The following IRX3 variants were observed in gnomAD, a reference collection of about 807,000 sequenced individuals.
The protein encoded by IRX3 is iroquois homeobox 3.
A neutral mutation model predicts 36.4 loss-of-function variants in IRX3; 20 were observed. The ratio of observed to expected loss-of-function variants is 0.55; its 90% CI spans 0.39 to 0.80. The LOEUF (loss-of-function observed/expected upper bound fraction) is 0.80. Among genes scored for constraint, IRX3 ranks in the 30% least tolerant of loss-of-function variants. The pLI is 0.00. For missense variants in IRX3, 718 were observed against 733.2 expected (o/e 0.98, Z 0.24); for synonymous variants, 404 against 351.6 (o/e 1.15, Z -1.67).
rs2144733514 is a variant in IRX3, at chr16:54,286,546, G to T, written c.-496C>A. The T allele has an allele frequency of 4.5e-6, 1 of 222,640 alleles. No homozygotes were observed. Among genetic ancestry groups the T allele is most frequent in the South Asian group, 1.6e-4 (1 of 6,156 alleles). 13.8% of individuals were successfully genotyped at this position (222,640 alleles called of 1,614,324 possible). On this transcript the variant is annotated 5_prime_UTR_variant, in exon 1 of 4. Coordinates refer to ENST00000329734, the MANE Select transcript of IRX3 (RefSeq NM_024336.3). The stretch of plus-strand genomic sequence containing the variant: ...TGCTTCGGGCTCCTGCACTGCCCTG[G>T]ACGCTATGAAACTCTCCTTTCTCCT...
chr16:54,283,985 T>A lies in IRX3; in HGVS notation c.1452-245A>T, dbSNP rs562959807. 122 of 1,435,534 alleles carry A rather than the reference T, an allele frequency of 8.5e-5. No individual in the cohort carries two copies. Among genetic ancestry groups the A allele is most frequent in the Non-Finnish European group, 1.1e-4 (116 of 1,098,954 alleles). 88.9% of individuals were successfully genotyped at this position (1,435,534 alleles called of 1,614,324 possible). A position where few individuals can be genotyped will look rare whatever the true frequency, so the allele number is the denominator to read the frequency against. On this transcript the variant is annotated intron_variant, in intron 3 of 3. Coordinates refer to ENST00000329734, the MANE Select transcript of IRX3 (RefSeq NM_024336.3). The surrounding 1 kb of genome is among the most constrained non-coding windows in gnomAD (Gnocchi z 4.4). ...AACCGCCACCCGCCCCAGGGGCCTG[T>A]GGGCCCAGCCACGCAAGGCTTCCCC...
chr16:54,284,595 C>T lies in IRX3; in HGVS notation c.1286G>A (p.Gly429Asp), dbSNP rs1363352397. The T allele has an allele frequency of 7.2e-7, 1 of 1,389,698 alleles. No homozygotes were observed. Among genetic ancestry groups the T allele is most frequent in the Non-Finnish European group, 9.2e-7 (1 of 1,084,604 alleles). The allele number at this position is 1,389,698 out of a possible 1,614,324, so 86.1% of individuals were successfully genotyped here. The change falls in exon 2 of 4, where the codon GGC becomes GAC. Residue 429 changes from glycine to aspartate, a missense_variant. Physicochemically the swap from Gly to Asp is moderately conservative, Grantham distance 94 (BLOSUM62 -1). Coordinates refer to ENST00000329734, the MANE Select transcript of IRX3 (RefSeq NM_024336.3). The surrounding 1 kb of genome is among the most constrained non-coding windows in gnomAD (Gnocchi z 4.0). ...TCCCAGCAGGTGCGGAGGGGCAGAG[C>T]CCAGCAGGGAGAGCGGGTGCAGGCG... ...GPRLHPLSLL[G>D]SAPPHLLGLP... is the part of the protein sequence containing the mutation.
At position 54,285,852 on chromosome 16, in the gene IRX3, C is replaced by T; in HGVS notation, c.199G>A (p.Ala67Thr). 1 of 1,545,010 alleles carries T rather than the reference C, an allele frequency of 6.5e-7. No homozygotes were observed. The highest frequency in any genetic ancestry group is 2.5e-5 in the East Asian group (1 of 40,548). Residue 67 changes from alanine to threonine, a missense_variant, in exon 1 of 4, where the codon GCC becomes ACC. Physicochemically the swap from Ala to Thr is moderately conservative, Grantham distance 58. Transcript: ENST00000329734. This position sits in a 1 kb window ranked among gnomAD's most constrained non-coding sequence, Gnocchi z 5.7. ...YGAPYAAAAA[A>T]AAAQGYGAFL... The stretch of plus-strand genomic sequence containing the variant: ...GCGCCGTAGCCTTGGGCGGCGGCGG[C>T]CGCAGCGGCCGCGGCGTAGGGCGCC...
chr16:54,284,787 G>C lies in IRX3; in HGVS notation c.1094C>G (p.Ser365Trp), dbSNP rs764486984. The part of the protein sequence containing the change: ...TATSPDNPRR[S>W]PPGAGGSPPG... ...TGGAGACCCCCCCGCGCCGGGAGGC[G>C]AGCGGCGCGGGTTGTCCGGGCTTGT... Residue 365 changes from serine (S) to tryptophan (W), a missense_variant, in exon 2 of 4, where the codon TCG becomes TGG. By Grantham distance (177) the Ser-to-Trp change is radical (BLOSUM62 -3). Around this residue, in one of 3 missense-constraint regions of IRX3, gnomAD observed 468 missense variants for 462.1 expected, o/e 1.01. Transcript: ENST00000329734. This position sits in a 1 kb window ranked among gnomAD's most constrained non-coding sequence, Gnocchi z 4.0. The C allele has an allele frequency of 2.2e-5, 32 of 1,465,206 alleles. No individual in the cohort carries two copies. In the South Asian group the frequency reaches 3.6e-4, roughly 17 times the overall value. The allele number at this position is 1,465,206 out of a possible 1,614,324, so 90.8% of individuals were successfully genotyped here. A position where few individuals can be genotyped will look rare whatever the true frequency, so the allele number is the denominator to read the frequency against.
At position 54,285,490 on chromosome 16, in the gene IRX3, G is replaced by C. The variant is rs1240810711; in HGVS notation, c.391C>G (p.Pro131Ala). The C allele has an allele frequency of 6.2e-7, 1 of 1,614,038 alleles. No individual in the cohort carries two copies. The highest frequency in any genetic ancestry group is 1.3e-5 in the African/African-American group (1 of 74,924). ...GTGCTCTCCCTGGTGGCGTTCTTGG[G>C]ACGGGACGGGTCCCCGAACTGGTAC... is the stretch of plus-strand genomic sequence containing the variant. The part of the protein sequence containing the change: ...GQYQFGDPSR[P>A]KNATRESTST... The change falls in exon 2 of 4, where the codon CCC becomes GCC. Residue 131 changes from proline (P) to alanine (A), a missense_variant. By Grantham distance (27) the Pro-to-Ala change is conservative. Coordinates refer to ENST00000329734, the MANE Select transcript of IRX3 (RefSeq NM_024336.3). The surrounding 1 kb of genome is among the most constrained non-coding windows in gnomAD (Gnocchi z 5.7).
In IRX3 at chr16:54,283,824, T is replaced by C. The variant is rs2144729300; in HGVS notation, c.1452-84A>G. On this transcript the variant is annotated intron_variant, in intron 3 of 3. Transcript: ENST00000329734. The surrounding 1 kb of genome is among the most constrained non-coding windows in gnomAD (Gnocchi z 4.4). ...TAGGGCGGGGAGATCCTACTTGGAT[T>C]GGGGCCGATCGTCAGGAAGGTGTCG... 1 of 1,587,162 alleles carries C rather than the reference T, an allele frequency of 6.3e-7. No homozygotes were observed. The highest frequency in any genetic ancestry group is 8.6e-7 in the Non-Finnish European group (1 of 1,167,312).
chr16:54,284,843 C>A lies in IRX3; in HGVS notation c.1038G>T (p.Lys346Asn). The A allele has an allele frequency of 6.5e-7, 1 of 1,538,482 alleles. No individual in the cohort carries two copies. The highest frequency in any genetic ancestry group is 1.2e-5 in the South Asian group (1 of 81,080). The change falls in exon 2 of 4, where the codon AAG becomes AAT. Residue 346 changes from lysine (K) to asparagine (N), a missense_variant. Physicochemically the swap from Lys to Asn is moderately conservative, Grantham distance 94 (BLOSUM62 0). This residue lies in a region of IRX3 where 468 missense variants were observed against 462.1 expected (regional missense o/e 1.01). Transcript: ENST00000329734. This position sits in a 1 kb window ranked among gnomAD's most constrained non-coding sequence, Gnocchi z 4.0. ...PAPAPASALQ[K>N]PKIWSLAETA... ...TCTCCGCGAGGGACCAGATCTTGGG[C>A]TTCTGCAGGGCGGAGGCGGGGGCTG...
chr16:54,285,436 G>A lies in IRX3; in HGVS notation c.445C>T (p.His149Tyr), dbSNP rs1002352592. The A allele has an allele frequency of 6.2e-7, 1 of 1,614,050 alleles. No homozygotes were observed. The highest frequency in any genetic ancestry group is 8.5e-7 in the Non-Finnish European group (1 of 1,180,050). The change falls in exon 2 of 4, where the codon CAC (histidine) becomes TAC (tyrosine). Residue 149 changes from histidine to tyrosine, a missense_variant. Physicochemically the swap from His to Tyr is moderately conservative, Grantham distance 83. This residue lies in a region of IRX3 where 46 missense variants were observed against 89.7 expected (regional missense o/e 0.51). Transcript: ENST00000329734. This position sits in a 1 kb window ranked among gnomAD's most constrained non-coding sequence, Gnocchi z 5.7. Reference sequence around the variant, plus strand: ...TTGGTGGGGTAGGGGTTCTTGCGGTGCTCGTTGAGCCAGGCCTTCAGCGTG... The same window carrying A: ...TTGGTGGGGTAGGGGTTCTTGCGGTACTCGTTGAGCCAGGCCTTCAGCGTG... ...TSTLKAWLNE[H>Y]RKNPYPTKGE...
In IRX3 at chr16:54,286,455, C is replaced by G; in HGVS notation, c.-405G>C. On this transcript the variant is annotated 5_prime_UTR_variant, in exon 1 of 4. Coordinates refer to ENST00000329734, the MANE Select transcript of IRX3 (RefSeq NM_024336.3). ...CCTTCGCCCTCCTCTAGTTTTCACT[C>G]CCCCTCCTCGCCCTTCCTCTCCCCT... is the stretch of plus-strand genomic sequence containing the variant. 1.1e-6 allele frequency: 1 copy of G among 925,224 alleles called. No individual in the cohort carries two copies. Among genetic ancestry groups the G allele is most frequent in the South Asian group, 5.0e-5 (1 of 20,140 alleles). 57.3% of individuals were successfully genotyped at this position (925,224 alleles called of 1,614,324 possible). A position where few individuals can be genotyped will look rare whatever the true frequency, so the allele number is the denominator to read the frequency against.
chr16:54,286,371 C>T lies in IRX3; in HGVS notation c.-321G>A. 7.1e-6 allele frequency: 7 copies of T among 987,316 alleles called. No homozygotes were observed. Among genetic ancestry groups the T allele is most frequent in the Non-Finnish European group, 8.4e-6 (7 of 831,374 alleles). The allele number at this position is 987,316 out of a possible 1,614,324, so 61.2% of individuals were successfully genotyped here. On this transcript the variant is annotated 5_prime_UTR_variant, in exon 1 of 4. Coordinates refer to ENST00000329734, the MANE Select transcript of IRX3 (RefSeq NM_024336.3). ...CCCTCCTCTCGGCCGCCGGAGCTGCCTCTGCCCGCTCCTCGCTCCTCACTG... is the reference window on the plus strand; with the variant it reads ...CCCTCCTCTCGGCCGCCGGAGCTGCTTCTGCCCGCTCCTCGCTCCTCACTG...
Position 54,285,574 on chromosome 16 carries a change from G to T in IRX3, c.307C>A (p.His103Asn), listed in dbSNP as rs1901309513. ...YELKDSPGVQ[H>N]PAAAAAFPHP... is the part of the protein sequence containing the mutation. The stretch of plus-strand genomic sequence containing the variant: ...GGAAACGCGGCAGCCGCGGCCGGAT[G>T]CTGCACCCCGGGGCTGTCCTTCAGC... The change falls in exon 2 of 4, where the codon CAT becomes AAT. Residue 103 changes from histidine (H) to asparagine (N), a missense_variant. His to Asn is a moderately conservative substitution (Grantham distance 68). This residue lies in a region of IRX3 where 204 missense variants were observed against 181.4 expected (regional missense o/e 1.12). Coordinates refer to ENST00000329734, the MANE Select transcript of IRX3 (RefSeq NM_024336.3). The surrounding 1 kb of genome is among the most constrained non-coding windows in gnomAD (Gnocchi z 5.7). The T allele has an allele frequency of 1.3e-6, 2 of 1,580,102 alleles. No individual in the cohort carries two copies. Among genetic ancestry groups the T allele is most frequent in the Non-Finnish European group, 1.7e-6 (2 of 1,162,882 alleles).
In IRX3 at chr16:54,283,973, C is replaced by G; in HGVS notation, c.1452-233G>C. 1 of 1,439,494 alleles carries G rather than the reference C, an allele frequency of 6.9e-7. No individual in the cohort carries two copies. The highest frequency in any genetic ancestry group is 9.1e-7 in the Non-Finnish European group (1 of 1,101,232). The allele number at this position is 1,439,494 out of a possible 1,614,324, so 89.2% of individuals were successfully genotyped here. ...TGGGCGTCAGAGAACCGCCACCCGC[C>G]CCAGGGGCCTGTGGGCCCAGCCACG... On this transcript the variant is annotated intron_variant, in intron 3 of 3. Coordinates refer to ENST00000329734, the MANE Select transcript of IRX3 (RefSeq NM_024336.3). The surrounding 1 kb of genome is among the most constrained non-coding windows in gnomAD (Gnocchi z 4.4).
At position 54,285,121 on chromosome 16, in the gene IRX3, TCTC is replaced by T. The variant is rs775127089; in HGVS notation, c.757_759del (p.Glu253del). ...GCGCCGTCTAAGTTCTCCAAATCGA[TCTC>T]CTCGTCCTCGTCGTCGTCAGCCAGG... On this transcript the variant is annotated inframe_deletion, in exon 2 of 4. Coordinates refer to ENST00000329734, the MANE Select transcript of IRX3 (RefSeq NM_024336.3). This position sits in a 1 kb window ranked among gnomAD's most constrained non-coding sequence, Gnocchi z 5.7. 1.2e-6 allele frequency: 2 copies of T among 1,613,088 alleles called. No individual in the cohort carries two copies. Among genetic ancestry groups the T allele is most frequent in the South Asian group, 2.2e-5 (2 of 90,956 alleles).
Position 54,286,172 on chromosome 16 carries a change from C to T in IRX3, c.-122G>A, listed in dbSNP as rs1181456259. On this transcript the variant is annotated 5_prime_UTR_variant, in exon 1 of 4. Transcript: ENST00000329734. ...GGGCTTGGGGCCGCGCTGCCGCCCG[C>T]GCTGCGCTGTGCTCCGCGTTCGCCT... The T allele has an allele frequency of 7.6e-6, 8 of 1,050,568 alleles. No homozygotes were observed. Among genetic ancestry groups the T allele is most frequent in the Non-Finnish European group, 9.2e-6 (8 of 870,696 alleles). The allele number at this position is 1,050,568 out of a possible 1,614,324, so 65.1% of individuals were successfully genotyped here. A position where few individuals can be genotyped will look rare whatever the true frequency, so the allele number is the denominator to read the frequency against.
At position 54,286,398 on chromosome 16, in the gene IRX3, C is replaced by CCTCCT; in HGVS notation, c.-353_-349dup. Reference sequence around the variant, plus strand: ...CTGCCCGCTCCTCGCTCCTCACTGCCCTCCTCTCCCCAGCAGTGTCGCGCC... The same window carrying CCTCCT: ...CTGCCCGCTCCTCGCTCCTCACTGCCCTCCTCTCCTCTCCCCAGCAGTGTCGCGCC... On this transcript the variant is annotated 5_prime_UTR_variant, in exon 1 of 4. Transcript: ENST00000329734. The CCTCCT allele has an allele frequency of 2.0e-6, 2 of 986,650 alleles. No homozygotes were observed. The highest frequency in any genetic ancestry group is 2.4e-6 in the Non-Finnish European group (2 of 830,888). 61.1% of individuals were successfully genotyped at this position (986,650 alleles called of 1,614,324 possible).
At position 54,286,252 on chromosome 16, in the gene IRX3, G is replaced by T; in HGVS notation, c.-202C>A. The stretch of plus-strand genomic sequence containing the variant: ...CGGCGAGGGCGGCGGCGAGGAGCCA[G>T]GTCAGGTCCGAACAGATTGGCGGAG... On this transcript the variant is annotated 5_prime_UTR_variant, in exon 1 of 4. In the 5' UTR this introduces an upstream ATG that the reference lacks. Transcript: ENST00000329734. 2.0e-6 allele frequency: 2 copies of T among 1,008,926 alleles called. No individual in the cohort carries two copies. Among genetic ancestry groups the T allele is most frequent in the South Asian group, 4.5e-5 (1 of 22,134 alleles). The allele number at this position is 1,008,926 out of a possible 1,614,324, so 62.5% of individuals were successfully genotyped here.
At position 54,285,744 on chromosome 16, in the gene IRX3, C is replaced by G; in HGVS notation, c.267+40G>C. 1 of 1,491,314 alleles carries G rather than the reference C, an allele frequency of 6.7e-7. No homozygotes were observed. The highest frequency in any genetic ancestry group is 8.8e-7 in the Non-Finnish European group (1 of 1,129,948). The allele number at this position is 1,491,314 out of a possible 1,614,324, so 92.4% of individuals were successfully genotyped here. ...CGCGCGCTCAGCTCGCCCTGCGCCCCAGCGCCAACCCCTCCTTCCCTGGCT... is the reference window on the plus strand; with the variant it reads ...CGCGCGCTCAGCTCGCCCTGCGCCCGAGCGCCAACCCCTCCTTCCCTGGCT... On this transcript the variant is annotated intron_variant, in intron 1 of 3. Coordinates refer to ENST00000329734, the MANE Select transcript of IRX3 (RefSeq NM_024336.3). This position sits in a 1 kb window ranked among gnomAD's most constrained non-coding sequence, Gnocchi z 5.7.
rs1322305192 is a variant in IRX3 at position 54,285,089 on chromosome 16, G to T, written c.792C>A (p.Thr264=). Residue 264 remains threonine, a synonymous_variant, in exon 2 of 4, where the codon ACC becomes ACA. Transcript: ENST00000329734. The surrounding 1 kb of genome is among the most constrained non-coding windows in gnomAD (Gnocchi z 5.7). The stretch of plus-strand genomic sequence containing the variant: ...CCCCAGCCAGGGACAGCTCAGGCTC[G>T]GTGGCCGCGCCGTCTAAGTTCTCCA... ...IDLENLDGAA[T]EPELSLAGAA... 6.2e-7 allele frequency: 1 copy of T among 1,613,788 alleles called. No individual in the cohort carries two copies. The highest frequency in any genetic ancestry group is 8.5e-7 in the Non-Finnish European group (1 of 1,179,978).
chr16:54,283,647 A>G lies in IRX3; in HGVS notation c.*39T>C, dbSNP rs551918759. The stretch of plus-strand genomic sequence containing the variant: ...TTTTTATACAATTATTACAACGATT[A>G]AAAAAAGTTTTTTTTGTTTTTTTGT... On this transcript the variant is annotated 3_prime_UTR_variant, in exon 4 of 4. Transcript: ENST00000329734. The surrounding 1 kb of genome is among the most constrained non-coding windows in gnomAD (Gnocchi z 4.4). The G allele has an allele frequency of 2.0e-6, 2 of 979,154 alleles. No individual in the cohort carries two copies. The highest frequency in any genetic ancestry group is 2.8e-5 in the South Asian group (2 of 71,434). 60.7% of individuals were successfully genotyped at this position (979,154 alleles called of 1,614,324 possible). A position where few individuals can be genotyped will look rare whatever the true frequency, so the allele number is the denominator to read the frequency against.
Sources: gnomAD v4.1 joint callset for allele counts on GRCh38, gnomAD v4.1.1 for gene constraint, gnomAD v4.1.1 regional missense constraint, Gnocchi (gnomAD v3.1) non-coding constraint, MANE v1.5 for transcripts, NCBI Gene and HGNC (gene_info 2026-07-23, HGNC 2026-07-21) for gene names.